LRRC20: variants seen among roughly 807,000 people sequenced by gnomAD.
The protein encoded by LRRC20 is leucine-rich repeat-containing protein 20.
In LRRC20, 11 loss-of-function variants were observed where a neutral mutation model predicts 14.4. The ratio of observed to expected loss-of-function variants is 0.77; its 90% confidence interval spans 0.48 to 1.27. The LOEUF is 1.27. LRRC20 is among the 50% of genes most tolerant of loss of function. The probability of loss-of-function intolerance (pLI) is 0.00; values close to 1 mark genes in which losing one functional copy is unlikely to be tolerated. For missense variants in LRRC20, 219 were observed against 251.2 expected, an observed-to-expected ratio of 0.87 and a Z score of 0.87; for synonymous variants, 121 against 107.3, an observed-to-expected ratio of 1.13 and a Z score of -0.79.
intron 2 of LRRC20, among the ~76,000 whole-genome samples, chr10:70,365,707 A>C (rs890026539): frequency 6.6e-6 from 1 of 151,952 alleles, no homozygotes; most frequent in African/African-American, 2.4e-5. Context: ...CCTCGAAAAA[A>C]CAAAACTAAA....
intron 4 of LRRC20, among the ~76,000 whole-genome samples, chr10:70,314,717 T>C (rs1210956603): frequency 6.6e-6 from 1 of 152,122 alleles, no homozygotes; most frequent in Non-Finnish European, 1.5e-5. Context: ...TGAGAGAATC[T>C]GGTGAAAACT....
rs145655483 is a variant in LRRC20, at chr10:70,363,839, A to ACC, written c.82+12612_82+12613insGG. ...CATGCTAGGCAGAAGGCTCCAAGTCAACCCCCAACACAGCACACCACAGAG... is the reference window on the plus strand; with the variant it reads ...CATGCTAGGCAGAAGGCTCCAAGTCACCACCCCCAACACAGCACACCACAGAG... On this transcript the variant is annotated intron_variant, in intron 2 of 4. Coordinates refer to ENST00000446961, the MANE Select transcript of LRRC20 (RefSeq NM_001278212.2). Among the ~76,000 whole-genome samples, 10 of 152,010 alleles carry ACC rather than the reference A, an allele frequency of 6.6e-5. No homozygotes were observed. In the South Asian group the frequency reaches 8.3e-4, roughly 13 times the overall value.
At chr10:70,331,039 G>A (rs1038882441) in intron 3 of LRRC20, among the ~76,000 whole-genome samples, 2 of 152,162 alleles carry the variant, frequency 1.3e-5, no homozygotes, top group Non-Finnish European at 2.9e-5. Context: ...CTGAGCCTCA[G>A]GGTCCCCATC....
intron 2 of LRRC20, among the ~76,000 whole-genome samples, chr10:70,356,125 G>A (rs79283448): frequency 0.038 from 5,757 of 152,262 alleles, 166 homozygotes; most frequent in East Asian, 0.056. Flanking sequence ...CCTTTCTTGG[G>A]CCAACTCTTT....
intron 2 of LRRC20, among the ~76,000 whole-genome samples, chr10:70,360,295 G>A (rs1589114923): frequency 2.0e-5 from 3 of 152,046 alleles, no homozygotes; most frequent in South Asian, 4.1e-4. Flanking sequence ...GGCCTCAAGT[G>A]ATCCCAGTCT....
intron 3 of LRRC20, among the ~76,000 whole-genome samples, chr10:70,334,507 C>A (rs1008040851): frequency 1.3e-5 from 2 of 152,144 alleles, no homozygotes; most frequent in South Asian, 4.1e-4. Flanking sequence ...AAAATAGTAA[C>A]TCCTGTGGGG....
chr10:70,380,066 A>G (rs1431204100), intron 1 of LRRC20, among the ~76,000 whole-genome samples: 6 of 152,162 alleles, frequency 3.9e-5, no homozygotes, highest in Non-Finnish European at 7.4e-5. Context: ...CAAGCCACGG[A>G]CCTATGCCAT....
At chr10:70,330,850 G>A (rs1179472979) in intron 3 of LRRC20, among the ~76,000 whole-genome samples, 1 of 152,142 alleles carries the variant, frequency 6.6e-6, no homozygotes, top group African/African-American at 2.4e-5. Flanking sequence ...TCCTCTGTGC[G>A]GTAAGGTGAG....
intron 2 of LRRC20, among the ~76,000 whole-genome samples, chr10:70,343,206 T>C (rs1842974199): frequency 6.6e-6 from 1 of 152,148 alleles, no homozygotes; most frequent in Admixed American, 6.5e-5. Context: ...GAACAAGACC[T>C]CTTCACCCTG....
chr10:70,363,170 C>T (rs977510834), intron 2 of LRRC20, among the ~76,000 whole-genome samples: 4 of 147,726 alleles, frequency 2.7e-5, no homozygotes, highest in African/African-American at 1.0e-4. Context: ...CCCAGCTACT[C>T]GAGAGGCTGA....
intron 3 of LRRC20, 109 bp downstream of exon 3, chr10:70,340,444 T>C (rs1196311626): frequency 7.7e-7 from 1 of 1,302,420 alleles, no homozygotes; most frequent in East Asian, 2.3e-5. Flanking sequence ...AATGATTTCA[T>C]GGGTGTCGCT....
At chr10:70,334,658 C>T (rs1189054683) in intron 3 of LRRC20, among the ~76,000 whole-genome samples, 2 of 152,108 alleles carry the variant, frequency 1.3e-5, no homozygotes, top group Admixed American at 1.3e-4. Flanking sequence ...ACCACCCTGG[C>T]CTGTTAGGAT....
chr10:70,346,784 T>C (rs1843086917), intron 2 of LRRC20, among the ~76,000 whole-genome samples: 1 of 152,362 alleles, frequency 6.6e-6, no homozygotes, highest in African/African-American at 2.4e-5. Flanking sequence ...GTTTACTTTA[T>C]ACAAAGTAAG....
At chr10:70,377,473 C>T (rs955894260) in intron 1 of LRRC20, among the ~76,000 whole-genome samples, 10 of 152,222 alleles carry the variant, frequency 6.6e-5, no homozygotes, top group African/African-American at 2.2e-4. Context: ...AGTGAGTAAG[C>T]GGCAAGAATA....
At position 70,300,296 on chromosome 10, in the gene LRRC20, T is replaced by C. The variant is rs1286968920; in HGVS notation, c.*1058A>G. On this transcript the variant is annotated 3_prime_UTR_variant, in exon 5 of 5. Coordinates refer to ENST00000446961, the MANE Select transcript of LRRC20 (RefSeq NM_001278212.2). Reference sequence around the variant, plus strand: ...GCTGGGTACTGTCCCAGTTTTAGCATTGAAAGTTCCATGTCCTGGGAAACC... The same window carrying C: ...GCTGGGTACTGTCCCAGTTTTAGCACTGAAAGTTCCATGTCCTGGGAAACC... The C allele has an allele frequency of 9.7e-6, 9 of 925,106 alleles. No individual in the cohort carries two copies. The highest frequency in any genetic ancestry group is 8.9e-5 in the African/African-American group (5 of 55,892). The allele number at this position is 925,106 out of a possible 1,614,324, so 57.3% of individuals were successfully genotyped here.
At position 70,301,455 on chromosome 10, in the gene LRRC20, G is replaced by C; in HGVS notation, c.454C>G (p.Arg152Gly). 1 of 1,614,084 alleles carries C rather than the reference G, an allele frequency of 6.2e-7. No individual in the cohort carries two copies. The highest frequency in any genetic ancestry group is 1.1e-5 in the South Asian group (1 of 91,082). ...ACCTCGGCGTTGAGTGGGTTGAAGC[G>C]GAGGTTGATGCTGCGCAAGGCTGGC... The part of the protein sequence containing the change: ...AMPALRSINL[R>G]FNPLNAEVRV... Residue 152 changes from arginine to glycine, a missense_variant, in exon 5 of 5, where the codon CGC becomes GGC. By Grantham distance (125) the Arg-to-Gly change is moderately radical (BLOSUM62 -2). Transcript: ENST00000446961.
At chr10:70,371,792 C>G (rs1273507062) in intron 2 of LRRC20, among the ~76,000 whole-genome samples, 1 of 152,094 alleles carries the variant, frequency 6.6e-6, no homozygotes, top group Non-Finnish European at 1.5e-5. Context: ...GAGGGCCTCC[C>G]AGGGGCCAAA....
chr10:70,374,981 C>G (rs888076247), intron 2 of LRRC20, among the ~76,000 whole-genome samples: 1 of 152,142 alleles, frequency 6.6e-6, no homozygotes, highest in African/African-American at 2.4e-5. Flanking sequence ...GTTAAGCAAT[C>G]TGCTACAGTA....
At chr10:70,339,211 T>C (rs992649010) in intron 3 of LRRC20, among the ~76,000 whole-genome samples, 1 of 152,242 alleles carries the variant, frequency 6.6e-6, no homozygotes, top group Non-Finnish European at 1.5e-5. Context: ...ATCTTCGCTG[T>C]TGAGTCTTTG....
Sources: gnomAD v4.1 joint callset for allele counts (sites outside exome capture counted in the v4.1 genomes callset) on GRCh38, gnomAD v4.1.1 for gene constraint, MANE v1.5 for transcripts, NCBI Gene and HGNC (gene_info 2026-07-23, HGNC 2026-07-21) for gene names.